Variants in ARHGEF7 observed in about 807,000 individuals in gnomAD.
ARHGEF7 encodes PAK-interacting exchange factor beta.
A neutral mutation model predicts 109.8 loss-of-function variants in ARHGEF7; 33 were observed. That is an observed-to-expected ratio of 0.30 (90% confidence interval 0.23 to 0.40). ARHGEF7 has a LOEUF of 0.40. ARHGEF7 is among the 10% of genes least tolerant of loss of function. ARHGEF7 has a pLI of 1.00. For synonymous variants in ARHGEF7, 458 were observed against 424.6 expected (o/e 1.08, Z -0.97); for missense variants, 938 against 1,098.5 (o/e 0.85, Z 2.07).
intron 1 of ARHGEF7, among the ~76,000 whole-genome samples, chr13:111,123,404 G>A (rs918777297): frequency 1.3e-5 from 2 of 152,098 alleles, no homozygotes; most frequent in African/African-American, 4.8e-5. Context: ...CCCAGAGCAG[G>A]CACAGCTGCA....
Position 111,302,976 on chromosome 13 carries a change from C to A in ARHGEF7, c.2467-15C>A. On this transcript the variant is annotated splice_polypyrimidine_tract_variant and intron_variant, in intron 21 of 21. Transcript: ENST00000646102. ...CCAAAGATAGTGAACACCCTGTGGT[C>A]TGCTTAATTTACAGGACAACAAAAA... 6.2e-7 allele frequency: 1 copy of A among 1,613,774 alleles called. No homozygotes were observed. Among genetic ancestry groups the A allele is most frequent in the South Asian group, 1.1e-5 (1 of 91,044 alleles).
At chr13:111,158,438 G>T (rs928747065) in intron 2 of ARHGEF7, among the ~76,000 whole-genome samples, 14 of 152,212 alleles carry the variant, frequency 9.2e-5, no homozygotes, top group Non-Finnish European at 1.5e-4. Flanking sequence ...GATAGGGATG[G>T]TAACCCTAAT....
chr13:111,134,127 C>A (rs1161527314), intron 1 of ARHGEF7, among the ~76,000 whole-genome samples: 1 of 151,868 alleles, frequency 6.6e-6, no homozygotes, highest in African/African-American at 2.4e-5. Flanking sequence ...TGAACTCATC[C>A]TTTTTTATGG....
intron 1 of ARHGEF7, among the ~76,000 whole-genome samples, chr13:111,123,790 G>A (rs1408285332): frequency 1.4e-5 from 2 of 147,872 alleles, no homozygotes; most frequent in East Asian, 2.0e-4. Flanking sequence ...TGACAGGATC[G>A]CCCCCATTTT....
At chr13:111,147,690 C>CT (rs11463808) in intron 1 of ARHGEF7, among the ~76,000 whole-genome samples, 11,537 of 82,744 alleles carry the variant, frequency 0.14, 1,007 homozygotes, top group African/African-American at 0.17. Context: ...CAGAGGTCAC[C>CT]TTTTTTTTTT....
chr13:111,241,183 T>C (rs1301482888), intron 6 of ARHGEF7: 2 of 1,535,998 alleles, frequency 1.3e-6, no homozygotes, highest in Admixed American at 2.0e-5. Context: ...TCTTCAGCAC[T>C]GTGGGTCGTA....
chr13:111,289,095 G>C (rs2093155327), intron 18 of ARHGEF7, among the ~76,000 whole-genome samples: 1 of 152,020 alleles, frequency 6.6e-6, no homozygotes, highest in African/African-American at 2.4e-5. Context: ...GCAGTAGCGT[G>C]ATCTTGGCTC....
rs936789300 is a variant in ARHGEF7 at position 111,131,819 on chromosome 13, C to A, written c.165+16128C>A. Among the ~76,000 whole-genome samples, 4 of 152,200 alleles carry A rather than the reference C, an allele frequency of 2.6e-5. No homozygotes were observed. Among genetic ancestry groups the A allele is most frequent in the African/African-American group, 9.7e-5 (4 of 41,438 alleles). The stretch of plus-strand genomic sequence containing the variant: ...TAGCTGTTCTAGGACAACTGGCCAG[C>A]ACACACCCAGAGCCCACATACTGGA... On this transcript the variant is annotated intron_variant, in intron 1 of 21. Coordinates refer to ENST00000646102, the MANE Select transcript of ARHGEF7 (RefSeq NM_001354046.2). The surrounding 1 kb of genome is among the most constrained non-coding windows in gnomAD (Gnocchi z 4.4).
At chr13:111,264,599 T>C (rs1190818122) in intron 8 of ARHGEF7, among the ~76,000 whole-genome samples, 34 of 152,108 alleles carry the variant, frequency 2.2e-4, no homozygotes, top group Non-Finnish European at 4.4e-5. Context: ...TGTGCTTCTG[T>C]GAGCCCCCGC....
At chr13:111,229,248 C>T (rs1010517582) in intron 5 of ARHGEF7, among the ~76,000 whole-genome samples, 19 of 152,158 alleles carry the variant, frequency 1.2e-4, no homozygotes, top group African/African-American at 4.6e-4. Context: ...CCTGATTTTT[C>T]TCCTGAATAT....
At chr13:111,292,063 G>C (rs558412187) in intron 18 of ARHGEF7, 55 bp from the exon 19 acceptor site, 2 of 1,482,040 alleles carry the variant, frequency 1.3e-6, no homozygotes, top group Admixed American at 1.7e-5. Flanking sequence ...TCTTCCTGTC[G>C]TTCTCCTCCT....
At chr13:111,238,682 G>A (rs2087203502) in intron 6 of ARHGEF7, among the ~76,000 whole-genome samples, 1 of 152,084 alleles carries the variant, frequency 6.6e-6, no homozygotes. Flanking sequence ...GGGGATCAAA[G>A]GAAGGGGTTG....
Position 111,186,183 on chromosome 13 carries a change from A to G in ARHGEF7, c.253-19106A>G, listed in dbSNP as rs988693636. 2.6e-5 allele frequency among the ~76,000 whole-genome samples: 4 copies of G among 151,922 alleles called. No individual in the cohort carries two copies. The South Asian group carries it at 8.3e-4, about 32-fold the overall frequency. ...TGCGCCCGGTCTGCAGAAGGCAGAGAGCATCTTGTTGGGAAGAGCCCTGCC... is the reference window on the plus strand; with the variant it reads ...TGCGCCCGGTCTGCAGAAGGCAGAGGGCATCTTGTTGGGAAGAGCCCTGCC... On this transcript the variant is annotated intron_variant, in intron 2 of 21. Coordinates refer to ENST00000646102, the MANE Select transcript of ARHGEF7 (RefSeq NM_001354046.2).
intron 1 of ARHGEF7, among the ~76,000 whole-genome samples, chr13:111,129,368 T>G (rs947568039): frequency 1.3e-5 from 2 of 151,342 alleles, no homozygotes; most frequent in Admixed American, 1.3e-4. Flanking sequence ...AAAGAAAGAG[T>G]GGACAAATTG....
intron 2 of ARHGEF7, among the ~76,000 whole-genome samples, chr13:111,188,119 A>G (rs1220404804): frequency 1.3e-5 from 2 of 151,998 alleles, no homozygotes; most frequent in East Asian, 3.9e-4. Context: ...CCCTGGGATC[A>G]CTCGCTCTGT....
At position 111,303,327 on chromosome 13, in the gene ARHGEF7, G is replaced by C. The variant is rs1173705200; in HGVS notation, c.*214G>C. On this transcript the variant is annotated 3_prime_UTR_variant, in exon 22 of 22. Transcript: ENST00000646102. ...CAGGAGGGATTGACTCTGAGGACCT[G>C]AGCTACATCAATCCACTCTGTGAAC... 1 of 419,144 alleles carries C rather than the reference G, an allele frequency of 2.4e-6. No individual in the cohort carries two copies. The highest frequency in any genetic ancestry group is 4.2e-6 in the Non-Finnish European group (1 of 236,506). 26.0% of individuals were successfully genotyped at this position (419,144 alleles called of 1,614,324 possible).
chr13:111,242,150 C>T (rs1311235482), intron 6 of ARHGEF7, among the ~76,000 whole-genome samples: 2 of 152,176 alleles, frequency 1.3e-5, no homozygotes, highest in African/African-American at 4.8e-5. Flanking sequence ...CTCCCACGGT[C>T]GTCTCCCTTG....
At position 111,116,951 on chromosome 13, in the gene ARHGEF7, C is replaced by T. The variant is rs148929000; in HGVS notation, c.165+1260C>T. On this transcript the variant is annotated intron_variant, in intron 1 of 21. Transcript: ENST00000646102. ...TGCCTGTCCATGAAATAAAAATGTT[C>T]CTTAAAAATGAACCTGATGTCACAG... Among the ~76,000 whole-genome samples, 914 of 152,264 alleles carry T rather than the reference C, an allele frequency of 6.0e-3. 28 individuals carry two copies. The highest frequency in any genetic ancestry group is 0.053 in the Admixed American group (816 of 15,292).
At chr13:111,132,878 T>A (rs1295483076) in intron 1 of ARHGEF7, among the ~76,000 whole-genome samples, 1 of 151,114 alleles carries the variant, frequency 6.6e-6, no homozygotes. Context: ...GGAGTAGGGG[T>A]AGGGATATTG....
Sources: allele counts gnomAD v4.1 joint callset (sites outside exome capture counted in the v4.1 genomes callset), GRCh38; gene constraint gnomAD v4.1.1; non-coding constraint Gnocchi (gnomAD v3.1); transcripts MANE v1.5; gene names NCBI Gene and HGNC (gene_info 2026-07-23, HGNC 2026-07-21).